The following KCNT2 variants were observed in gnomAD, a reference collection of about 807,000 sequenced individuals.
KCNT2 encodes potassium channel subfamily T member 2.
KCNT2 carries 67 observed loss-of-function variants against 153.8 expected under a neutral mutation model. The observed-to-expected ratio is 0.44, with a 90% CI of 0.36 to 0.53. The LOEUF (loss-of-function observed/expected upper bound fraction) is 0.53, where lower values mean the gene tolerates loss of function less well. KCNT2 is among the 20% of genes least tolerant of loss of function. The pLI, the probability that KCNT2 is intolerant of heterozygous loss-of-function variation, is 0.00. For synonymous variants in KCNT2, 500 were observed against 458.8 expected, an observed-to-expected ratio of 1.09 and a Z score of -1.15; for missense variants, 975 against 1,354.8, an observed-to-expected ratio of 0.72 and a Z score of 4.40.
At chr1:196,277,903 G>T in intron 25 of KCNT2, among the ~76,000 whole-genome samples, 1 of 151,516 alleles carries the variant, frequency 6.6e-6, no homozygotes. Context: ...GTCTTTATTG[G>T]GTTAATATTT....
At chr1:196,546,698 G>GA (rs982597707) in intron 1 of KCNT2, among the ~76,000 whole-genome samples, 33 of 149,246 alleles carry the variant, frequency 2.2e-4, no homozygotes, top group African/African-American at 3.2e-4. Flanking sequence ...CAGAAGTCAA[G>GA]AAAAAATCTA....
chr1:196,455,376 A>G (rs112785322), intron 8 of KCNT2, among the ~76,000 whole-genome samples: 8,785 of 152,012 alleles, frequency 0.058, 392 homozygotes, highest in Non-Finnish European at 0.085. Flanking sequence ...TTGGTCATTA[A>G]TCTTTTGTTT....
chr1:196,335,727 G>C (rs1483289164), intron 16 of KCNT2, among the ~76,000 whole-genome samples: 1 of 151,880 alleles, frequency 6.6e-6, no homozygotes, highest in Non-Finnish European at 1.5e-5. Context: ...TGATTTTTTA[G>C]ACCTTGTTAT....
intron 1 of KCNT2, among the ~76,000 whole-genome samples, chr1:196,595,624 T>C (rs951137985): frequency 6.6e-6 from 1 of 152,162 alleles, no homozygotes; most frequent in African/African-American, 2.4e-5. Context: ...ACAATGTAAA[T>C]GCTACGTAAA....
intron 1 of KCNT2, among the ~76,000 whole-genome samples, chr1:196,582,033 C>T (rs956618379): frequency 1.4e-4 from 21 of 152,004 alleles, no homozygotes; most frequent in African/African-American, 5.1e-4. Context: ...ATTTCAAAAC[C>T]AACATGTATG....
intron 22 of KCNT2, 59 bp downstream of exon 22, chr1:196,305,175 G>A (rs976561216): frequency 1.0e-6 from 1 of 972,662 alleles, no homozygotes; most frequent in East Asian, 2.5e-5. Flanking sequence ...TATATTTACA[G>A]AGTTAATTTC....
At chr1:196,278,552 T>C (rs78848385) in intron 25 of KCNT2, among the ~76,000 whole-genome samples, 2,049 of 152,332 alleles carry the variant, frequency 0.013, 44 homozygotes, top group African/African-American at 0.047. Flanking sequence ...GTTGACTAAA[T>C]GTAGTTAAAT....
At chr1:196,234,433 C>T (rs1160777362) in intron 27 of KCNT2, among the ~76,000 whole-genome samples, 6 of 151,088 alleles carry the variant, frequency 4.0e-5, no homozygotes, top group Admixed American at 4.0e-4. Context: ...AATCAAGTCT[C>T]ATTTTCTGCC....
intron 8 of KCNT2, among the ~76,000 whole-genome samples, chr1:196,456,623 G>T (rs1178366538): frequency 6.6e-6 from 1 of 151,810 alleles, no homozygotes; most frequent in East Asian, 2.0e-4. Context: ...GTTAATAGGG[G>T]AGTAAAGTAA....
intron 25 of KCNT2, among the ~76,000 whole-genome samples, chr1:196,266,132 TGAA>T (rs1052739960): frequency 6.6e-6 from 1 of 152,156 alleles, no homozygotes; most frequent in Non-Finnish European, 1.5e-5. Context: ...TTAAATTACT[TGAA>T]GAATTTATAA....
intron 22 of KCNT2, among the ~76,000 whole-genome samples, chr1:196,290,564 G>T (rs1190914101): frequency 2.7e-5 from 4 of 150,158 alleles, no homozygotes; most frequent in South Asian, 2.1e-4. Flanking sequence ...ATATGTATAG[G>T]TGTATATATA....
chr1:196,465,819 A>G (rs565951820), intron 7 of KCNT2, among the ~76,000 whole-genome samples: 37 of 151,968 alleles, frequency 2.4e-4, no homozygotes, highest in Admixed American at 2.0e-4. Flanking sequence ...ATTAACATCA[A>G]TTAGCCCAGA....
intron 25 of KCNT2, among the ~76,000 whole-genome samples, chr1:196,260,622 A>G (rs563476560): frequency 2.4e-4 from 37 of 151,994 alleles, no homozygotes; most frequent in African/African-American, 8.7e-4. Context: ...GAAGAATTTG[A>G]GGGTTAATTT....
intron 1 of KCNT2, among the ~76,000 whole-genome samples, chr1:196,495,593 C>A (rs1680190535): frequency 6.6e-6 from 1 of 151,958 alleles, no homozygotes; most frequent in South Asian, 2.1e-4. Flanking sequence ...TTACTTACAT[C>A]TAGTAGACTA....
chr1:196,482,340 C>T lies in KCNT2; in HGVS notation c.315G>A (p.Trp105Ter). The change falls in exon 4 of 28, where the codon TGG becomes TGA. Residue 105 changes from tryptophan to a stop codon, truncating the protein, a stop_gained. Coordinates refer to ENST00000294725, the MANE Select transcript of KCNT2 (RefSeq NM_198503.5). LOFTEE classifies it high-confidence loss of function. ...CAAAATTGTACATAACCTGTAAGCCCCACAAAGGTAGACTTCTGTTCACCC... is the reference window on the plus strand; with the variant it reads ...CAAAATTGTACATAACCTGTAAGCCTCACAAAGGTAGACTTCTGTTCACCC... ...IFWVNRSLPL[W>*]GLQVSVALIS... The T allele has an allele frequency of 6.3e-7, 1 of 1,575,532 alleles. No homozygotes were observed. The highest frequency in any genetic ancestry group is 1.9e-5 in the Admixed American group (1 of 53,012).
intron 12 of KCNT2, among the ~76,000 whole-genome samples, chr1:196,420,590 A>G (rs1337797540): frequency 3.9e-5 from 6 of 151,962 alleles, no homozygotes; most frequent in African/African-American, 1.4e-4. Flanking sequence ...ATCTCTGCAC[A>G]CACAGACACA....
In KCNT2 at chr1:196,280,907, G is replaced by T. The variant is rs1284473294; in HGVS notation, c.2863C>A (p.Pro955Thr). Residue 955 changes from proline (P) to threonine (T), a missense_variant, in exon 25 of 28, where the codon CCC (proline) becomes ACC (threonine). Around this residue, in one of 6 missense-constraint regions of KCNT2, gnomAD observed 241 missense variants for 271.1 expected, o/e 0.89. Transcript: ENST00000294725. ...QKLCSSTGDV[P>T]IGIYRTESQK... is the part of the protein sequence containing the mutation. ...GACTCAGTCCTGTAGATTCCAATGG[G>T]AACATCTCCAGTAGAAGAACACAAC... 1.2e-6 allele frequency: 2 copies of T among 1,609,170 alleles called. No homozygotes were observed. Among genetic ancestry groups the T allele is most frequent in the East Asian group, 2.2e-5 (1 of 44,814 alleles).
chr1:196,437,891 T>C (rs1674867178), intron 8 of KCNT2, among the ~76,000 whole-genome samples: 1 of 151,532 alleles, frequency 6.6e-6, no homozygotes, highest in Non-Finnish European at 1.5e-5. Context: ...CAAAGGTCTT[T>C]CACCCAGTCT....
intron 14 of KCNT2, among the ~76,000 whole-genome samples, chr1:196,360,353 T>C (rs1442390847): frequency 2.0e-5 from 3 of 152,042 alleles, no homozygotes; most frequent in Non-Finnish European, 4.4e-5. Flanking sequence ...ATCATCTTTC[T>C]TAATTCCCAC....
Sources: gnomAD v4.1 joint callset for allele counts (sites outside exome capture counted in the v4.1 genomes callset) on GRCh38, gnomAD v4.1.1 for gene constraint, gnomAD v4.1.1 regional missense constraint, MANE v1.5 for transcripts, NCBI Gene and HGNC (gene_info 2026-07-23, HGNC 2026-07-21) for gene names.